The following ETV5 variants were observed in gnomAD, a reference collection of about 807,000 sequenced individuals.
ETV5 encodes the protein ETS variant transcription factor 5.
A neutral mutation model predicts 70.0 loss-of-function variants in ETV5; 10 were observed. The ratio of observed to expected loss-of-function variants is 0.14; its 90% CI spans 0.09 to 0.24. The LOEUF (loss-of-function observed/expected upper bound fraction) is 0.24. ETV5 is among the 10% of genes least tolerant of loss of function. The probability of loss-of-function intolerance (pLI) is 1.00; values close to 1 mark genes in which losing one functional copy is unlikely to be tolerated. For missense variants in ETV5, 453 were observed against 651.2 expected, an observed-to-expected ratio of 0.70 and a Z score of 3.31; for synonymous variants, 216 against 242.2, an observed-to-expected ratio of 0.89 and a Z score of 1.01.
At chr3:186,090,635 G>C (rs1008544614) in intron 5 of ETV5, among the ~76,000 whole-genome samples, 3 of 152,224 alleles carry the variant, frequency 2.0e-5, no homozygotes, top group African/African-American at 7.2e-5. Context: ...GTCCAGAACA[G>C]CTGGACAACT....
In ETV5 at chr3:186,090,400, C is replaced by T. The variant is rs528517864; in HGVS notation, c.233-9225G>A. On this transcript the variant is annotated intron_variant, in intron 5 of 12. Transcript: ENST00000306376. ...GCCACTGCTGTCACTGTGACTACTG[C>T]CTGCTAATACTTCCATCAACCTGCC... 2.6e-5 allele frequency among the ~76,000 whole-genome samples: 4 copies of T among 152,338 alleles called. No individual in the cohort carries two copies. The South Asian group carries it at 8.3e-4, about 32-fold the overall frequency.
intron 7 of ETV5, chr3:186,076,475 GAC>G: frequency 5.4e-6 from 1 of 184,338 alleles, no homozygotes. Context: ...ACTTAGTGTG[GAC>G]ACCTGATAGA....
At chr3:186,100,126 A>T (rs1163359172) in intron 5 of ETV5, among the ~76,000 whole-genome samples, 1 of 152,234 alleles carries the variant, frequency 6.6e-6, no homozygotes, top group Non-Finnish European at 1.5e-5. Context: ...CCCTCCCAGC[A>T]GTAAGGTACT....
chr3:186,076,286 TC>T (rs1713787715), intron 7 of ETV5: 1 of 207,464 alleles, frequency 4.8e-6, no homozygotes, highest in East Asian at 7.4e-5. Context: ...TGTACTTTTT[TC>T]TTTCTTCATT....
At chr3:186,091,221 C>A (rs1714175569) in intron 5 of ETV5, among the ~76,000 whole-genome samples, 1 of 152,140 alleles carries the variant, frequency 6.6e-6, no homozygotes, top group African/African-American at 2.4e-5. Context: ...ATAGGGTTTG[C>A]TATTAGCAGG....
At chr3:186,095,749 T>C (rs1231958392) in intron 5 of ETV5, among the ~76,000 whole-genome samples, 1 of 152,216 alleles carries the variant, frequency 6.6e-6, no homozygotes, top group Non-Finnish European at 1.5e-5. Flanking sequence ...AAATGAGAAA[T>C]AGCCCTAACT....
At position 186,054,739 on chromosome 3, in the gene ETV5, C is replaced by T. The variant is rs994248955; in HGVS notation, c.1209+2336G>A. Among the ~76,000 whole-genome samples, 1 of 152,128 alleles carries T rather than the reference C, an allele frequency of 6.6e-6. No homozygotes were observed. Among genetic ancestry groups the T allele is most frequent in the African/African-American group, 2.4e-5 (1 of 41,418 alleles). ...CAAGCTCCCCCATGACGACTTCTTA[C>T]AGCTTTTTCCAGAAGCTGGTATCTT... On this transcript the variant is annotated intron_variant, in intron 11 of 12. Coordinates refer to ENST00000306376, the MANE Select transcript of ETV5 (RefSeq NM_004454.3). The surrounding 1 kb of genome is among the most constrained non-coding windows in gnomAD (Gnocchi z 4.4).
intron 5 of ETV5, among the ~76,000 whole-genome samples, chr3:186,098,478 C>T (rs1376656758): frequency 6.6e-6 from 1 of 152,134 alleles, no homozygotes; most frequent in African/African-American, 2.4e-5. Flanking sequence ...GACAAGCTAC[C>T]TATTAAGACA....
At chr3:186,088,995 A>G (rs1328846797) in intron 5 of ETV5, among the ~76,000 whole-genome samples, 1 of 152,242 alleles carries the variant, frequency 6.6e-6, no homozygotes, top group Admixed American at 6.5e-5. Context: ...GACTGAGCAG[A>G]TTAAAAACTC....
chr3:186,069,650 G>A (rs1047255175), intron 7 of ETV5, among the ~76,000 whole-genome samples: 5 of 151,870 alleles, frequency 3.3e-5, no homozygotes, highest in South Asian at 4.2e-4. Context: ...TTCTCCTGCC[G>A]CAGCCTCCCA....
At chr3:186,058,040 G>T (rs572754320) in intron 9 of ETV5, among the ~76,000 whole-genome samples, 1 of 152,294 alleles carries the variant, frequency 6.6e-6, no homozygotes, top group South Asian at 2.1e-4. Context: ...AGCAGTATTG[G>T]GGGTATTATT....
At chr3:186,099,551 T>C (rs1452178651) in intron 5 of ETV5, among the ~76,000 whole-genome samples, 1 of 152,192 alleles carries the variant, frequency 6.6e-6, no homozygotes, top group Non-Finnish European at 1.5e-5. Context: ...GGATGTACTT[T>C]ACCACCACTA....
intron 11 of ETV5, among the ~76,000 whole-genome samples, chr3:186,053,373 A>G (rs1048322182): frequency 6.6e-6 from 1 of 152,204 alleles, no homozygotes; most frequent in Non-Finnish European, 1.5e-5. Flanking sequence ...AAGTGCTGGG[A>G]TTATAGGCAT....
At chr3:186,089,036 T>C (rs144252597) in intron 5 of ETV5, among the ~76,000 whole-genome samples, 9 of 152,338 alleles carry the variant, frequency 5.9e-5, no homozygotes, top group Non-Finnish European at 1.3e-4. Flanking sequence ...TATACCTCAA[T>C]ATTCTTTGTA....
At chr3:186,084,956 G>A (rs2150150691) in intron 5 of ETV5, among the ~76,000 whole-genome samples, 1 of 152,248 alleles carries the variant, frequency 6.6e-6, no homozygotes, top group Admixed American at 6.5e-5. Context: ...AACAAAGAAG[G>A]CAGACCAAGA....
chr3:186,089,389 C>T (rs907625460), intron 5 of ETV5, among the ~76,000 whole-genome samples: 1 of 152,190 alleles, frequency 6.6e-6, no homozygotes, highest in Non-Finnish European at 1.5e-5. Context: ...GATAAATTCT[C>T]AAATTTAATA....
chr3:186,051,994 A>C, intron 12 of ETV5, 36 bp downstream of exon 12: 1 of 1,598,986 alleles, frequency 6.3e-7, no homozygotes, highest in Non-Finnish European at 8.6e-7. Context: ...CTTAAAAGAG[A>C]CCAGAGTGGG....
chr3:186,107,074 A>G (rs1224340648), intron 1 of ETV5: 3 of 372,588 alleles, frequency 8.1e-6, no homozygotes, highest in Admixed American at 6.4e-5. Flanking sequence ...TGTGTGTAGC[A>G]TATCAAATTT....
chr3:186,064,151 G>T, intron 9 of ETV5: 1 of 474,554 alleles, frequency 2.1e-6, no homozygotes, highest in Non-Finnish European at 3.8e-6. Flanking sequence ...GAAAATGGCA[G>T]CCCTCACAGG....
Sources: allele counts gnomAD v4.1 joint callset (sites outside exome capture counted in the v4.1 genomes callset), GRCh38; gene constraint gnomAD v4.1.1; non-coding constraint Gnocchi (gnomAD v3.1); transcripts MANE v1.5; gene names NCBI Gene and HGNC (gene_info 2026-07-23, HGNC 2026-07-21).